KIAA0825: variants seen among roughly 807,000 people sequenced by gnomAD.
The protein encoded by KIAA0825 is KIAA0825.
KIAA0825 carries 119 observed loss-of-function variants against 147.6 expected under a neutral mutation model. The ratio of observed to expected loss-of-function variants is 0.81; its 90% CI spans 0.69 to 0.94. The LOEUF (loss-of-function observed/expected upper bound fraction) is 0.94, where lower values mean the gene tolerates loss of function less well. Ranked by LOEUF, KIAA0825 falls within the 40% of genes least tolerant of loss-of-function variation. The pLI is 0.00. For missense variants in KIAA0825, 1,381 were observed against 1,472.7 expected, an observed-to-expected ratio of 0.94 and a Z score of 1.02; for synonymous variants, 470 against 518.1, an observed-to-expected ratio of 0.91 and a Z score of 1.26.
At chr5:94,445,458 A>T (rs1035034878) in intron 13 of KIAA0825, among the ~76,000 whole-genome samples, 3 of 152,152 alleles carry the variant, frequency 2.0e-5, no homozygotes, top group Non-Finnish European at 4.4e-5. Flanking sequence ...TGGAGGAAGT[A>T]GACTGTTGGA....
chr5:94,353,434 C>A (rs1460159256), intron 20 of KIAA0825, among the ~76,000 whole-genome samples: 1 of 152,106 alleles, frequency 6.6e-6, no homozygotes, highest in Non-Finnish European at 1.5e-5. Context: ...TAACACTTTA[C>A]TGGAAAGAGT....
chr5:94,558,203 G>A (rs1320073840), intron 2 of KIAA0825, among the ~76,000 whole-genome samples: 2 of 152,132 alleles, frequency 1.3e-5, no homozygotes, highest in African/African-American at 2.4e-5. Flanking sequence ...GAGAACATGA[G>A]GCTTGCCACC....
intron 3 of KIAA0825, among the ~76,000 whole-genome samples, chr5:94,527,773 G>A (rs1769638703): frequency 6.6e-6 from 1 of 151,736 alleles, no homozygotes; most frequent in Non-Finnish European, 1.5e-5. Flanking sequence ...ATCATTGTGA[G>A]GTAATAGATT....
At chr5:94,416,409 A>G (rs913010994) in intron 15 of KIAA0825, 1 of 152,172 alleles carries the variant, frequency 6.6e-6, no homozygotes, top group African/African-American at 2.4e-5. Context: ...ATGAAAATTC[A>G]GGTTCCAAAG....
chr5:94,153,965 G>T lies in KIAA0825; in HGVS notation c.*42C>A. On this transcript the variant is annotated 3_prime_UTR_variant, in exon 21 of 21. Transcript: ENST00000682413. ...GGTAAAAAATCCTACTCCATTACAT[G>T]GGATTGTTTCCTAAAATAAAGCTGT... The T allele has an allele frequency of 7.4e-7, 1 of 1,349,758 alleles. No homozygotes were observed. Among genetic ancestry groups the T allele is most frequent in the Non-Finnish European group, 1.0e-6 (1 of 963,592 alleles). 83.6% of individuals were successfully genotyped at this position (1,349,758 alleles called of 1,614,324 possible).
chr5:94,358,402 A>G (rs1171643869), intron 20 of KIAA0825, among the ~76,000 whole-genome samples: 1 of 152,236 alleles, frequency 6.6e-6, no homozygotes, highest in Admixed American at 6.5e-5. Flanking sequence ...AAGTTAAGGA[A>G]ACATGGAAGA....
At chr5:94,426,451 C>T (rs561271160) in intron 14 of KIAA0825, among the ~76,000 whole-genome samples, 1 of 152,162 alleles carries the variant, frequency 6.6e-6, no homozygotes, top group East Asian at 1.9e-4. Flanking sequence ...ATAAGTTAGG[C>T]ACAGGAAGAC....
chr5:94,423,257 T>G (rs1250932650), intron 14 of KIAA0825, among the ~76,000 whole-genome samples: 1 of 152,194 alleles, frequency 6.6e-6, no homozygotes, highest in Non-Finnish European at 1.5e-5. Context: ...GGTCACATAT[T>G]CTCTGACCCA....
chr5:94,438,237 C>T (rs930580433), intron 14 of KIAA0825, among the ~76,000 whole-genome samples: 3 of 152,176 alleles, frequency 2.0e-5, no homozygotes, highest in African/African-American at 7.2e-5. Context: ...TAATAATTAT[C>T]TTCAATGCCA....
At chr5:94,190,212 C>A (rs1562303461) in intron 20 of KIAA0825, among the ~76,000 whole-genome samples, 1 of 152,194 alleles carries the variant, frequency 6.6e-6, no homozygotes, top group Non-Finnish European at 1.5e-5. Flanking sequence ...CCGATCACGT[C>A]ATTTGCAAAG....
In KIAA0825 at chr5:94,480,225, C is replaced by T. The variant is rs567046778; in HGVS notation, c.1133-3020G>A. ...ATGAATAACTGGTTAAATTATGATACATGCACCAATGGAAAACTATTCCTC... is the reference window on the plus strand; with the variant it reads ...ATGAATAACTGGTTAAATTATGATATATGCACCAATGGAAAACTATTCCTC... On this transcript the variant is annotated intron_variant, in intron 6 of 20. Transcript: ENST00000682413. Among the ~76,000 whole-genome samples the T allele has an allele frequency of 1.6e-3, 248 of 152,088 alleles. 2 individuals are homozygous for T. The highest frequency in any genetic ancestry group is 5.8e-3 in the African/African-American group (242 of 41,524).
chr5:94,532,479 C>T (rs914504560), intron 3 of KIAA0825, among the ~76,000 whole-genome samples: 2 of 151,832 alleles, frequency 1.3e-5, no homozygotes, highest in Non-Finnish European at 2.9e-5. Flanking sequence ...TCCTTCCTTC[C>T]TCCCTTCCTC....
intron 14 of KIAA0825, among the ~76,000 whole-genome samples, chr5:94,425,739 G>GT (rs1402143785): frequency 6.6e-6 from 1 of 152,096 alleles, no homozygotes; most frequent in Non-Finnish European, 1.5e-5. Context: ...CACCAACAGT[G>GT]TATGTGTTCC....
intron 1 of KIAA0825, among the ~76,000 whole-genome samples, chr5:94,613,643 C>A (rs901142569): frequency 1.8e-4 from 28 of 152,204 alleles, no homozygotes; most frequent in African/African-American, 6.8e-4. Flanking sequence ...CCAACCCATA[C>A]TTTGTTGGCC....
intron 20 of KIAA0825, among the ~76,000 whole-genome samples, chr5:94,167,872 G>A (rs1768198654): frequency 6.6e-6 from 1 of 151,444 alleles, no homozygotes; most frequent in Non-Finnish European, 1.5e-5. Context: ...CTTGAAATAG[G>A]CAGAGTAAGT....
chr5:94,403,831 T>C (rs1305143162), intron 15 of KIAA0825, 38 bp from the exon 16 acceptor site: 1 of 1,505,138 alleles, frequency 6.6e-7, no homozygotes, highest in Admixed American at 2.0e-5. Flanking sequence ...TAGCAGAACC[T>C]AGCAAATCAG....
intron 20 of KIAA0825, among the ~76,000 whole-genome samples, chr5:94,185,048 G>C (rs1222901277): frequency 6.6e-6 from 1 of 152,154 alleles, no homozygotes; most frequent in African/African-American, 2.4e-5. Context: ...TCAGGCTGGG[G>C]CTCTCTGCGG....
chr5:94,302,333 C>T (rs975903873), intron 20 of KIAA0825, among the ~76,000 whole-genome samples: 1 of 151,976 alleles, frequency 6.6e-6, no homozygotes, highest in Non-Finnish European at 1.5e-5. Flanking sequence ...TTTTTTCTTA[C>T]CCCATCTTGT....
chr5:94,296,856 AC>A (rs1446442966), intron 20 of KIAA0825, among the ~76,000 whole-genome samples: 1 of 152,166 alleles, frequency 6.6e-6, no homozygotes, highest in African/African-American at 2.4e-5. Context: ...CTTGCCAGCC[AC>A]CAGAAAATTT....
Sources: allele counts gnomAD v4.1 joint callset (sites outside exome capture counted in the v4.1 genomes callset), GRCh38; gene constraint gnomAD v4.1.1; transcripts MANE v1.5; gene names NCBI Gene and HGNC (gene_info 2026-07-23, HGNC 2026-07-21).